ATP10B: variants seen among roughly 807,000 people sequenced by gnomAD.
ATP10B encodes the protein phospholipid-transporting ATPase VB.
In ATP10B, 122 loss-of-function variants were observed where a neutral mutation model predicts 141.2. The observed-to-expected ratio is 0.86, with a 90% CI of 0.75 to 1.00. The LOEUF (loss-of-function observed/expected upper bound fraction) is 1.00, where lower values mean the gene tolerates loss of function less well. ATP10B is among the 50% of genes least tolerant of loss of function. ATP10B has a pLI of 0.00. For synonymous variants in ATP10B, 685 were observed against 692.0 expected (o/e 0.99, Z 0.16); for missense variants, 1,876 against 1,825.3 (o/e 1.03, Z -0.51).
chr5:160,736,578 G>A (rs1184893211), intron 2 of ATP10B, among the ~76,000 whole-genome samples: 1 of 152,102 alleles, frequency 6.6e-6, no homozygotes, highest in Non-Finnish European at 1.5e-5. Flanking sequence ...TGACCAATAT[G>A]GTGAAACCCC....
At chr5:160,763,431 A>G (rs1401729707) in intron 2 of ATP10B, among the ~76,000 whole-genome samples, 1 of 152,160 alleles carries the variant, frequency 6.6e-6, no homozygotes, top group Non-Finnish European at 1.5e-5. Context: ...ATACAAATAC[A>G]TGGAAATTAA....
At chr5:160,873,849 C>A in the ATP10B span, among the ~76,000 whole-genome samples, 1 of 152,222 alleles carries the variant, frequency 6.6e-6, no homozygotes, top group Non-Finnish European at 1.5e-5. Flanking sequence ...TGGTGCACCA[C>A]GAGATTATAT....
upstream of ATP10B, among the ~76,000 whole-genome samples, chr5:160,853,250 A>G (rs1388270651): frequency 6.6e-6 from 1 of 152,312 alleles, no homozygotes; most frequent in East Asian, 1.9e-4. Flanking sequence ...AAAGAGAAGA[A>G]TGCTTAAGTC....
At chr5:160,641,036 G>T (rs78134914) in intron 9 of ATP10B, among the ~76,000 whole-genome samples, 3 of 152,276 alleles carry the variant, frequency 2.0e-5, no homozygotes, top group Non-Finnish European at 4.4e-5. Flanking sequence ...AAGACATAGG[G>T]TTCACATTCT....
Position 160,663,253 on chromosome 5 carries a change from T to C in ATP10B, c.675+7210A>G, listed in dbSNP as rs192859662. On this transcript the variant is annotated intron_variant, in intron 7 of 25. Transcript: ENST00000327245. ...TGGCAATTCCTCAGGGATCTAGAAC[T>C]AGAAATACCATTTGACCCAGCCATC... Among the ~76,000 whole-genome samples the C allele has an allele frequency of 6.4e-4, 97 of 152,238 alleles. 2 individuals carry two copies. In the East Asian group the frequency reaches 0.014, roughly 23 times the overall value.
the ATP10B span, among the ~76,000 whole-genome samples, chr5:160,922,087 G>C: frequency 6.6e-6 from 1 of 152,168 alleles, no homozygotes; most frequent in Non-Finnish European, 1.5e-5. Context: ...CATGCGGGTG[G>C]GTGTCTGGCT....
intron 21 of ATP10B, among the ~76,000 whole-genome samples, chr5:160,601,257 C>G (rs985161947): frequency 2.0e-5 from 3 of 152,134 alleles, no homozygotes; most frequent in Non-Finnish European, 4.4e-5. Flanking sequence ...CATTCCTGAG[C>G]AAAGGTGACT....
At chr5:160,738,855 A>G (rs1013293885) in intron 2 of ATP10B, among the ~76,000 whole-genome samples, 4 of 152,186 alleles carry the variant, frequency 2.6e-5, no homozygotes, top group African/African-American at 9.6e-5. Flanking sequence ...TTAGGAAATA[A>G]AAGAGAAGGG....
At chr5:160,895,090 C>A in the ATP10B span, among the ~76,000 whole-genome samples, 1 of 152,132 alleles carries the variant, frequency 6.6e-6, no homozygotes, top group Non-Finnish European at 1.5e-5. Context: ...GTACCAGCCA[C>A]TACAAAAATA....
At chr5:160,730,440 GC>G (rs1561796057) in intron 2 of ATP10B, among the ~76,000 whole-genome samples, 1 of 151,878 alleles carries the variant, frequency 6.6e-6, no homozygotes, top group Non-Finnish European at 1.5e-5. Flanking sequence ...GAATTCATTG[GC>G]CTCCTAATGT....
intron 15 of ATP10B, among the ~76,000 whole-genome samples, chr5:160,619,677 C>G (rs1159189647): frequency 6.6e-6 from 1 of 152,166 alleles, no homozygotes; most frequent in African/African-American, 2.4e-5. Flanking sequence ...TGTTAGCAAT[C>G]AGGAAGCGGC....
chr5:160,895,234 G>GT, the ATP10B span, among the ~76,000 whole-genome samples: 1 of 151,554 alleles, frequency 6.6e-6, no homozygotes, highest in South Asian at 2.1e-4. Context: ...CAGGCTAAAT[G>GT]CCCCATTAGA....
At chr5:160,846,109 TGAAAG>T (rs1354216424) in intron 1 of ATP10B, among the ~76,000 whole-genome samples, 1 of 152,182 alleles carries the variant, frequency 6.6e-6, no homozygotes, top group Non-Finnish European at 1.5e-5. Context: ...CCAATGCTAT[TGAAAG>T]GGTAGTGCAT....
chr5:160,900,683 G>T, the ATP10B span, among the ~76,000 whole-genome samples: 4 of 152,188 alleles, frequency 2.6e-5, no homozygotes, highest in South Asian at 8.3e-4. Flanking sequence ...TACACATAAA[G>T]AACACATTCA....
the ATP10B span, among the ~76,000 whole-genome samples, chr5:160,883,802 C>T: frequency 4.6e-5 from 7 of 151,994 alleles, no homozygotes; most frequent in African/African-American, 1.5e-4. Context: ...AAAAGTATTC[C>T]GTGGACTTTA....
chr5:160,655,731 C>T (rs1761448155), intron 7 of ATP10B, among the ~76,000 whole-genome samples: 2 of 152,192 alleles, frequency 1.3e-5, no homozygotes, highest in South Asian at 4.1e-4. Context: ...CTAGATCCCA[C>T]ATTGGGCCAG....
chr5:160,709,002 T>C (rs1581394224), intron 3 of ATP10B, among the ~76,000 whole-genome samples: 2 of 151,290 alleles, frequency 1.3e-5, no homozygotes, highest in Admixed American at 6.6e-5. Flanking sequence ...GTGACAGATA[T>C]GGCCTTGCAA....
At position 160,563,771 on chromosome 5, in the gene ATP10B, G is replaced by A. The variant is rs894968386; in HGVS notation, c.*1682C>T. On this transcript the variant is annotated 3_prime_UTR_variant, in exon 26 of 26. Coordinates refer to ENST00000327245, the MANE Select transcript of ATP10B (RefSeq NM_025153.3). Reference sequence around the variant, plus strand: ...AGCCAGAAATTGGGGGAAAAATTGAGGTACCTGAGATCCAAGTTTTGACTC... The same window carrying A: ...AGCCAGAAATTGGGGGAAAAATTGAAGTACCTGAGATCCAAGTTTTGACTC... 5 of 152,192 alleles carry A rather than the reference G, an allele frequency of 3.3e-5. No individual in the cohort carries two copies. The highest frequency in any genetic ancestry group is 9.6e-5 in the African/African-American group (4 of 41,528). 9.4% of individuals were successfully genotyped at this position (152,192 alleles called of 1,614,324 possible).
At chr5:160,579,497 G>T (rs570794399) in intron 24 of ATP10B, among the ~76,000 whole-genome samples, 1 of 152,308 alleles carries the variant, frequency 6.6e-6, no homozygotes, top group Admixed American at 6.5e-5. Flanking sequence ...TGTGATTTCT[G>T]AGGCCTCTGT....
Sources: gnomAD v4.1 joint callset for allele counts (sites outside exome capture counted in the v4.1 genomes callset) on GRCh38, gnomAD v4.1.1 for gene constraint, MANE v1.5 for transcripts, NCBI Gene and HGNC (gene_info 2026-07-23, HGNC 2026-07-21) for gene names.